The following GNAQ variants were observed in gnomAD, a reference collection of about 807,000 sequenced individuals.
The protein encoded by GNAQ is guanine nucleotide-binding protein G(q) subunit alpha.
GNAQ carries 8 observed loss-of-function variants against 43.9 expected under a neutral mutation model. That is an observed-to-expected ratio of 0.18 (90% CI 0.11 to 0.33). The LOEUF is 0.33. Among genes scored for constraint, GNAQ ranks in the 10% least tolerant of loss-of-function variants. The pLI is 1.00. For synonymous variants in GNAQ, 155 were observed against 170.7 expected (o/e 0.91, Z 0.71); for missense variants, 158 against 450.8 (o/e 0.35, Z 5.88).
chr9:77,965,227 T>C (rs1159443789), intron 1 of GNAQ, among the ~76,000 whole-genome samples: 1 of 152,016 alleles, frequency 6.6e-6, no homozygotes, highest in Non-Finnish European at 1.5e-5. Flanking sequence ...CACCCATAAT[T>C]ATATAAAGCA....
At chr9:77,786,355 CAAAA>C (rs1226459627) in intron 5 of GNAQ, among the ~76,000 whole-genome samples, 3 of 60,740 alleles carry the variant, frequency 4.9e-5, no homozygotes, top group Non-Finnish European at 3.5e-5. Flanking sequence ...GACTCTGTCT[CAAAA>C]AAAAAAAAAA....
intron 5 of GNAQ, among the ~76,000 whole-genome samples, chr9:77,765,196 G>A (rs1826115787): frequency 6.6e-6 from 1 of 151,950 alleles, no homozygotes; most frequent in South Asian, 2.1e-4. Flanking sequence ...AAAGCTAAAG[G>A]ACATTCTCCA....
At chr9:77,758,699 CT>C (rs1382171648) in intron 5 of GNAQ, among the ~76,000 whole-genome samples, 1 of 151,986 alleles carries the variant, frequency 6.6e-6, no homozygotes, top group Non-Finnish European at 1.5e-5. Context: ...CTATACTTTG[CT>C]TTTTTCAATT....
Position 77,815,621 on chromosome 9 carries a change from G to A in GNAQ, c.471C>T (p.Thr157=), listed in dbSNP as rs1404348471. ...RRREYQLSDS[T]KYYLNDLDRV... ...CCACCTGGAAAGATACTCACTATTT[G>A]GTAGAGTCAGATAATTGATATTCTC... Residue 157 remains threonine, a synonymous_variant, in exon 3 of 7, where the codon ACC becomes ACT. Coordinates refer to ENST00000286548, the MANE Select transcript of GNAQ (RefSeq NM_002072.5). 6.3e-7 allele frequency: 1 copy of A among 1,597,682 alleles called. No individual in the cohort carries two copies. Among genetic ancestry groups the A allele is most frequent in the East Asian group, 2.2e-5 (1 of 44,688 alleles).
At chr9:77,812,133 T>C (rs1046074449) in intron 3 of GNAQ, among the ~76,000 whole-genome samples, 1 of 152,124 alleles carries the variant, frequency 6.6e-6, no homozygotes, top group African/African-American at 2.4e-5. Context: ...AGAATGCCAA[T>C]GTAGACCAAC....
At chr9:77,776,405 T>C (rs1243587502) in intron 5 of GNAQ, among the ~76,000 whole-genome samples, 1 of 152,200 alleles carries the variant, frequency 6.6e-6, no homozygotes, top group Non-Finnish European at 1.5e-5. Context: ...ATGCAAACAG[T>C]AACCAAAAGA....
At chr9:77,842,307 T>G (rs1290691688) in intron 2 of GNAQ, among the ~76,000 whole-genome samples, 1 of 152,190 alleles carries the variant, frequency 6.6e-6, no homozygotes, top group Admixed American at 6.5e-5. Context: ...AAAGCTGAAC[T>G]GAAACCATCA....
chr9:77,838,175 C>G (rs1443572784), intron 2 of GNAQ, among the ~76,000 whole-genome samples: 1 of 136,696 alleles, frequency 7.3e-6, no homozygotes, highest in Admixed American at 7.8e-5. Context: ...AGGAGTCTCA[C>G]TCTTGTTGCC....
At chr9:77,931,055 C>G (rs1009555846) in intron 1 of GNAQ, among the ~76,000 whole-genome samples, 28 of 151,342 alleles carry the variant, frequency 1.9e-4, no homozygotes, top group Non-Finnish European at 3.8e-4. Flanking sequence ...CCGAAACCAA[C>G]CCCCCGACCC....
chr9:77,998,460 G>T (rs887015375), intron 1 of GNAQ, among the ~76,000 whole-genome samples: 1 of 152,136 alleles, frequency 6.6e-6, no homozygotes, highest in African/African-American at 2.4e-5. Context: ...TCTTATGCAA[G>T]AAAAAGGTAA....
At chr9:77,871,077 T>A (rs1401157208) in intron 2 of GNAQ, among the ~76,000 whole-genome samples, 1 of 152,214 alleles carries the variant, frequency 6.6e-6, no homozygotes. Context: ...CAGTGTACAC[T>A]GGAAAAGGCA....
At chr9:78,020,187 A>T (rs946365794) in intron 1 of GNAQ, among the ~76,000 whole-genome samples, 1 of 152,128 alleles carries the variant, frequency 6.6e-6, no homozygotes, top group African/African-American at 2.4e-5. Flanking sequence ...GAGCCATTTT[A>T]CTATAGGAGA....
chr9:77,786,395 T>C (rs938599044), intron 5 of GNAQ, among the ~76,000 whole-genome samples: 5 of 143,992 alleles, frequency 3.5e-5, no homozygotes, highest in Admixed American at 6.9e-5. Flanking sequence ...AATTAAAAAA[T>C]ACATCTGCTT....
rs536916674 is a variant in GNAQ at position 77,991,851 on chromosome 9, G to C, written c.136+39249C>G. ...TTCCATTCCTGAGTTACTTCACTTA[G>C]AATAACAGCCTCCAGCTCCATCCAA... On this transcript the variant is annotated intron_variant, in intron 1 of 6. Transcript: ENST00000286548. 4.6e-5 allele frequency among the ~76,000 whole-genome samples: 7 copies of C among 152,282 alleles called. No homozygotes were observed. In the South Asian group the frequency reaches 1.4e-3, roughly 32 times the overall value.
At chr9:78,029,949 T>C (rs1824029129) in intron 1 of GNAQ, among the ~76,000 whole-genome samples, 1 of 152,228 alleles carries the variant, frequency 6.6e-6, no homozygotes, top group Non-Finnish European at 1.5e-5. Flanking sequence ...GTTCTGTCAC[T>C]GTGGCTTGTA....
chr9:77,922,074 G>C (rs1405956680), intron 2 of GNAQ, 87 bp downstream of exon 2: 2 of 841,770 alleles, frequency 2.4e-6, no homozygotes, highest in African/African-American at 3.3e-5. Flanking sequence ...ATGCACTCCA[G>C]ACATGTCAAG....
intron 5 of GNAQ, among the ~76,000 whole-genome samples, chr9:77,772,881 G>A (rs973075511): frequency 2.0e-5 from 3 of 152,126 alleles, no homozygotes; most frequent in African/African-American, 7.2e-5. Flanking sequence ...TGTAAAATAC[G>A]CTAATGCTAA....
intron 1 of GNAQ, among the ~76,000 whole-genome samples, chr9:77,925,414 T>C (rs1448735488): frequency 6.6e-6 from 1 of 152,186 alleles, no homozygotes; most frequent in Non-Finnish European, 1.5e-5. Context: ...ATTTTCACAA[T>C]TATCCTAAAT....
At chr9:78,019,277 T>C (rs1644667636) in intron 1 of GNAQ, among the ~76,000 whole-genome samples, 1 of 152,172 alleles carries the variant, frequency 6.6e-6, no homozygotes, top group Non-Finnish European at 1.5e-5. Flanking sequence ...GCCCAAAATT[T>C]GTAATCGTTT....
Sources: allele counts gnomAD v4.1 joint callset (sites outside exome capture counted in the v4.1 genomes callset), GRCh38; gene constraint gnomAD v4.1.1; transcripts MANE v1.5; gene names NCBI Gene and HGNC (gene_info 2026-07-23, HGNC 2026-07-21).